The following PPARG variants were observed in gnomAD, a reference collection of about 807,000 sequenced individuals.
The protein encoded by PPARG is peroxisome proliferator-activated receptor gamma.
PPARG carries 17 observed loss-of-function variants against 39.2 expected under a neutral mutation model. That is an observed-to-expected ratio of 0.43 (90% CI 0.30 to 0.65). The LOEUF (loss-of-function observed/expected upper bound fraction) is 0.65, where lower values mean the gene tolerates loss of function less well. Ranked by LOEUF, PPARG falls within the 30% of genes least tolerant of loss-of-function variation. The probability of loss-of-function intolerance (pLI) is 0.13; values close to 1 mark genes in which losing one functional copy is unlikely to be tolerated. For synonymous variants in PPARG, 223 were observed against 215.7 expected (o/e 1.03, Z -0.30); for missense variants, 406 against 585.9 (o/e 0.69, Z 3.17).
intron 2 of PPARG, among the ~76,000 whole-genome samples, chr3:12,369,171 T>G (rs1575068978): frequency 6.6e-6 from 1 of 152,222 alleles, no homozygotes; most frequent in East Asian, 1.9e-4. Flanking sequence ...TCTTCTGGCA[T>G]TTACCTTCCT....
At chr3:12,332,827 T>C (rs1344709233) in intron 2 of PPARG, among the ~76,000 whole-genome samples, 1 of 152,140 alleles carries the variant, frequency 6.6e-6, no homozygotes, top group Admixed American at 6.5e-5. Flanking sequence ...GCCCAGGAGT[T>C]CAAGACTAGC....
At chr3:12,338,334 A>G (rs1274107763) in intron 2 of PPARG, among the ~76,000 whole-genome samples, 1 of 152,212 alleles carries the variant, frequency 6.6e-6, no homozygotes, top group Admixed American at 6.5e-5. Context: ...TTTTTGCACA[A>G]ATTATGTCTC....
At chr3:12,338,175 T>C (rs77230265) in intron 2 of PPARG, among the ~76,000 whole-genome samples, 2,446 of 152,294 alleles carry the variant, frequency 0.016, 66 homozygotes, top group African/African-American at 0.055. Flanking sequence ...AATGAATCTG[T>C]TTCGTGTCTC....
At chr3:12,422,347 G>T (rs1386319404) in intron 7 of PPARG, among the ~76,000 whole-genome samples, 1 of 152,108 alleles carries the variant, frequency 6.6e-6, no homozygotes, top group African/African-American at 2.4e-5. Context: ...TTTTATAGAT[G>T]GAGAAAATGG....
At chr3:12,337,118 A>C (rs1188190745) in intron 2 of PPARG, among the ~76,000 whole-genome samples, 1 of 152,250 alleles carries the variant, frequency 6.6e-6, no homozygotes, top group Non-Finnish European at 1.5e-5. Context: ...TATTGACTCT[A>C]TGAGTTACTA....
At chr3:12,357,089 A>G (rs2048689818) in intron 2 of PPARG, among the ~76,000 whole-genome samples, 1 of 151,914 alleles carries the variant, frequency 6.6e-6, no homozygotes, top group Admixed American at 6.6e-5. Flanking sequence ...TAGTCTCTTG[A>G]TGGGGTTTTC....
intron 4 of PPARG, among the ~76,000 whole-genome samples, chr3:12,388,212 TAA>T (rs1185412086): frequency 4.6e-5 from 7 of 152,162 alleles, no homozygotes; most frequent in African/African-American, 9.7e-5. Flanking sequence ...CTTTGAGAAT[TAA>T]AGAGACTTCA....
rs369608574 is a variant in PPARG, at chr3:12,306,669, G to A, written c.-82-5711G>A. Among the ~76,000 whole-genome samples the A allele has an allele frequency of 7.2e-5, 11 of 152,284 alleles. No individual in the cohort carries two copies. In the East Asian group the frequency reaches 9.7e-4, roughly 13 times the overall value. On this transcript the variant is annotated intron_variant, in intron 1 of 7. Transcript: ENST00000651735. ...ACAGTGGATTAAATTTAAACTTTTA[G>A]TTGTGTTAATTCACTGCAAATCAGC...
At chr3:12,383,296 G>A (rs951109464) in intron 4 of PPARG, among the ~76,000 whole-genome samples, 6 of 152,100 alleles carry the variant, frequency 3.9e-5, no homozygotes, top group African/African-American at 1.2e-4. Context: ...AAACCCGTTC[G>A]TTCTGTAATT....
intron 6 of PPARG, among the ~76,000 whole-genome samples, chr3:12,416,052 C>A (rs2051045478): frequency 6.6e-6 from 1 of 152,136 alleles, no homozygotes; most frequent in Non-Finnish European, 1.5e-5. Flanking sequence ...TCATTGAAAG[C>A]CAAGATAAAC....
rs745936900 is a variant in PPARG at position 12,416,757 on chromosome 3, G to A, written c.783G>A (p.Lys261=). 86 of 1,613,982 alleles carry A rather than the reference G, an allele frequency of 5.3e-5. No individual in the cohort carries two copies. Among genetic ancestry groups the A allele is most frequent in the Non-Finnish European group, 7.3e-5 (86 of 1,179,988 alleles). ...NSLMMGEDKI[K]FKHITPLQEQ... ...TAATGATGGGAGAAGATAAAATCAA[G>A]TTCAAACACATCACCCCCCTGCAGG... The change falls in exon 7 of 8, where the codon AAG becomes AAA. Residue 261 remains lysine (K), a synonymous_variant. Transcript: ENST00000651735.
At chr3:12,421,620 T>G (rs893918640) in intron 7 of PPARG, among the ~76,000 whole-genome samples, 2 of 152,246 alleles carry the variant, frequency 1.3e-5, no homozygotes, top group African/African-American at 4.8e-5. Context: ...CAAAACAGTT[T>G]GGAATCCATT....
intron 7 of PPARG, among the ~76,000 whole-genome samples, chr3:12,432,192 C>T (rs1559539787): frequency 1.3e-5 from 2 of 152,132 alleles, no homozygotes; most frequent in East Asian, 3.9e-4. Context: ...AGAAGGCAAA[C>T]CTCTCAACTT....
chr3:12,383,879 C>T (rs1205598780), intron 4 of PPARG, among the ~76,000 whole-genome samples: 2 of 151,944 alleles, frequency 1.3e-5, no homozygotes, highest in African/African-American at 4.8e-5. Flanking sequence ...ATCCAAGTGC[C>T]TTCAACTTAG....
At position 12,434,328 on chromosome 3, in the gene PPARG, A is replaced by G. The variant is rs1429644637; in HGVS notation, c.*183A>G. Reference sequence around the variant, plus strand: ...TTACAATTTACTTTTAATATTAAAAATTACCATATTATGAAATTGCTGATA... The same window carrying G: ...TTACAATTTACTTTTAATATTAAAAGTTACCATATTATGAAATTGCTGATA... On this transcript the variant is annotated 3_prime_UTR_variant, in exon 8 of 8. Coordinates refer to ENST00000651735, the MANE Select transcript of PPARG (RefSeq NM_138711.6). This position sits in a 1 kb window ranked among gnomAD's most constrained non-coding sequence, Gnocchi z 4.2. The G allele has an allele frequency of 1.3e-6, 1 of 792,630 alleles. No individual in the cohort carries two copies. Among genetic ancestry groups the G allele is most frequent in the East Asian group, 2.8e-5 (1 of 36,146 alleles). The allele number at this position is 792,630 out of a possible 1,614,324, so 49.1% of individuals were successfully genotyped here. A position where few individuals can be genotyped will look rare whatever the true frequency, so the allele number is the denominator to read the frequency against.
intron 2 of PPARG, among the ~76,000 whole-genome samples, chr3:12,369,924 A>G (rs974392779): frequency 5.9e-5 from 9 of 152,190 alleles, no homozygotes; most frequent in Middle Eastern, 3.2e-3. Context: ...CTGGTTTCTC[A>G]GGTGATCCCA....
At chr3:12,371,964 G>A (rs1559512073) in intron 2 of PPARG, 2 of 715,634 alleles carry the variant, frequency 2.8e-6, no homozygotes, top group Non-Finnish European at 5.2e-6. Context: ...AATCAGTAAG[G>A]ATGGGCTGGA....
At chr3:12,311,202 C>T (rs1319822511) in intron 1 of PPARG, among the ~76,000 whole-genome samples, 1 of 152,094 alleles carries the variant, frequency 6.6e-6, no homozygotes, top group Non-Finnish European at 1.5e-5. Context: ...CTCTGGGACT[C>T]AAGAGTTCCT....
At chr3:12,422,494 T>C (rs1365666281) in intron 7 of PPARG, among the ~76,000 whole-genome samples, 1 of 152,264 alleles carries the variant, frequency 6.6e-6, no homozygotes, top group Non-Finnish European at 1.5e-5. Flanking sequence ...TATTGAGATG[T>C]GGAAGCATCT....
Sources: gnomAD v4.1 joint callset for allele counts (sites outside exome capture counted in the v4.1 genomes callset) on GRCh38, gnomAD v4.1.1 for gene constraint, Gnocchi (gnomAD v3.1) non-coding constraint, MANE v1.5 for transcripts, NCBI Gene and HGNC (gene_info 2026-07-23, HGNC 2026-07-21) for gene names.